The following HID1 variants were observed in gnomAD, a reference collection of about 807,000 sequenced individuals.
HID1 encodes the protein HID1 domain containing.
Under a neutral mutation model 89.7 loss-of-function variants are expected in HID1, and 42 were observed. The ratio of observed to expected loss-of-function variants is 0.47; its 90% CI spans 0.37 to 0.61. The LOEUF (loss-of-function observed/expected upper bound fraction) is 0.61. Among genes scored for constraint, HID1 ranks in the 20% least tolerant of loss-of-function variants. The pLI, the probability that HID1 is intolerant of heterozygous loss-of-function variation, is 0.00. For missense variants in HID1, 854 were observed against 1,039.3 expected (o/e 0.82, Z 2.45); for synonymous variants, 442 against 433.8 (o/e 1.02, Z -0.24).
chr17:74,971,354 G>C (rs2039644414), intron 1 of HID1, among the ~76,000 whole-genome samples: 1 of 152,216 alleles, frequency 6.6e-6, no homozygotes, highest in African/African-American at 2.4e-5. Flanking sequence ...GCTCCAGAAC[G>C]ACCCAGGAGC....
Position 74,953,539 on chromosome 17 carries a change from A to T in HID1, c.1971+6T>A. On this transcript the variant is annotated splice_donor_region_variant and intron_variant, in intron 15 of 18. Coordinates refer to ENST00000425042, the MANE Select transcript of HID1 (RefSeq NM_030630.3). ...ACGCCCGGCTCCAGGAGTCCCCGTC[A>T]CCCACCCCCTTAGCCGGGCTGCCAT... The T allele has an allele frequency of 6.2e-7, 1 of 1,612,606 alleles. No homozygotes were observed. Among genetic ancestry groups the T allele is most frequent in the Non-Finnish European group, 8.5e-7 (1 of 1,178,880 alleles).
chr17:74,963,465 C>G (rs1385971541), intron 3 of HID1: 1 of 526,670 alleles, frequency 1.9e-6, no homozygotes, highest in Non-Finnish European at 3.4e-6. Flanking sequence ...GAGGGCCCAG[C>G]TCCTCTGCCT....
At position 74,952,129 on chromosome 17, in the gene HID1, C is replaced by T. The variant is rs960347952; in HGVS notation, c.2145-66G>A. On this transcript the variant is annotated intron_variant, in intron 17 of 18. Coordinates refer to ENST00000425042, the MANE Select transcript of HID1 (RefSeq NM_030630.3). The stretch of plus-strand genomic sequence containing the variant: ...AGGGGAGCACGGGGCTCACCCTGGC[C>T]ACCCAAGACCCATGTTTCCCATCAC... The T allele has an allele frequency of 2.6e-6, 4 of 1,528,468 alleles. No homozygotes were observed. In the African/African-American group the frequency reaches 5.5e-5, roughly 21 times the overall value. 94.7% of individuals were successfully genotyped at this position (1,528,468 alleles called of 1,614,324 possible).
At chr17:74,955,771 G>T (rs777933481) in intron 13 of HID1, 21 bp downstream of exon 13, 1 of 1,612,032 alleles carries the variant, frequency 6.2e-7, no homozygotes, top group Non-Finnish European at 8.5e-7. Flanking sequence ...TGACCACCAG[G>T]GCCTCAGGCT....
In HID1 at chr17:74,951,268, A is replaced by C; in HGVS notation, c.*302T>G. ...CTGGGTAGCACAGGAGTGGGTGGGC[A>C]CTGAGGGGCCAGCACTGAGCCAGGT... is the stretch of plus-strand genomic sequence containing the variant. On this transcript the variant is annotated 3_prime_UTR_variant, in exon 19 of 19. Coordinates refer to ENST00000425042, the MANE Select transcript of HID1 (RefSeq NM_030630.3). The C allele has an allele frequency of 2.2e-6, 1 of 463,114 alleles. No homozygotes were observed. 28.7% of individuals were successfully genotyped at this position (463,114 alleles called of 1,614,324 possible).
chr17:74,972,746 C>A lies in HID1; in HGVS notation c.-90G>T. The A allele has an allele frequency of 1.6e-6, 2 of 1,278,958 alleles. No individual in the cohort carries two copies. The highest frequency in any genetic ancestry group is 2.1e-6 in the Non-Finnish European group (2 of 955,212). The allele number at this position is 1,278,958 out of a possible 1,614,324, so 79.2% of individuals were successfully genotyped here. On this transcript the variant is annotated 5_prime_UTR_variant, in exon 1 of 19. Coordinates refer to ENST00000425042, the MANE Select transcript of HID1 (RefSeq NM_030630.3). This position sits in a 1 kb window ranked among gnomAD's most constrained non-coding sequence, Gnocchi z 6.4. Reference sequence around the variant, plus strand: ...GGCTCCAGCTCCGCGGCCCCCGCGGCTCTCGCAGGAGACAAGCGGCGCGCC... The same window carrying A: ...GGCTCCAGCTCCGCGGCCCCCGCGGATCTCGCAGGAGACAAGCGGCGCGCC...
Position 74,972,500 on chromosome 17 carries a change from A to T in HID1, c.66+91T>A. On this transcript the variant is annotated intron_variant, in intron 1 of 18. Coordinates refer to ENST00000425042, the MANE Select transcript of HID1 (RefSeq NM_030630.3). This position sits in a 1 kb window ranked among gnomAD's most constrained non-coding sequence, Gnocchi z 6.4. ...ACGCTCGGGGCCCGCCCGTCCCCCC[A>T]TCTCCCGACGAGCCAAGTTCGCGTA... is the stretch of plus-strand genomic sequence containing the variant. 2.5e-6 allele frequency: 3 copies of T among 1,205,848 alleles called. No individual in the cohort carries two copies. Among genetic ancestry groups the T allele is most frequent in the Non-Finnish European group, 3.5e-6 (3 of 866,826 alleles). The allele number at this position is 1,205,848 out of a possible 1,614,324, so 74.7% of individuals were successfully genotyped here.
In HID1 at chr17:74,955,900, G is replaced by A. The variant is rs1293333700; in HGVS notation, c.1528C>T (p.Leu510=). ...MVTANKLLHL[L]EAFSTTWFLF... is the part of the protein sequence containing the mutation. ...AACCAGGTGGTGGAGAAGGCCTCCA[G>A]CAGGTGCAGCAACTTGTTGGCAGTC... is the stretch of plus-strand genomic sequence containing the variant. Residue 510 remains leucine, a synonymous_variant, in exon 13 of 19, where the codon CTG becomes TTG. Coordinates refer to ENST00000425042, the MANE Select transcript of HID1 (RefSeq NM_030630.3). The A allele has an allele frequency of 1.2e-6, 2 of 1,613,968 alleles. No homozygotes were observed. The highest frequency in any genetic ancestry group is 1.7e-6 in the Non-Finnish European group (2 of 1,179,962).
intron 3 of HID1, 169 bp downstream of exon 3, chr17:74,963,571 G>A: frequency 1.5e-6 from 1 of 651,064 alleles, no homozygotes; most frequent in Non-Finnish European, 2.6e-6. Flanking sequence ...GGGGAACTGA[G>A]GGCCCAAGGA....
At chr17:74,961,832 A>C in intron 6 of HID1, 41 bp downstream of exon 6, 6 of 1,279,044 alleles carry the variant, frequency 4.7e-6, no homozygotes, top group Non-Finnish European at 5.3e-6. Flanking sequence ...ATTGCCTGGA[A>C]TAAGAGGGAA....
rs931149328 is a variant in HID1, at chr17:74,954,261, G to A, written c.1741C>T (p.Arg581Cys). The A allele has an allele frequency of 2.0e-5, 31 of 1,587,352 alleles. No homozygotes were observed. Among genetic ancestry groups the A allele is most frequent in the African/African-American group, 2.7e-5 (2 of 74,624 alleles). ...PPTIHKALQR[R>C]RRTPEPLSRT... ...GACAAGGGCTCAGGTGTCCGCCGGC[G>A]CCGCTGCAGGGCCTTGTGAATGGTG... The change falls in exon 14 of 19, where the codon CGC (arginine) becomes TGC (cysteine). Residue 581 changes from arginine to cysteine, a missense_variant. Transcript: ENST00000425042.
chr17:74,963,709 C>A lies in HID1; in HGVS notation c.387+31G>T, dbSNP rs772956004. The A allele has an allele frequency of 1.1e-5, 18 of 1,567,592 alleles. No individual in the cohort carries two copies. In the Admixed American group the frequency reaches 2.3e-4, roughly 20 times the overall value. On this transcript the variant is annotated intron_variant, in intron 3 of 18. Coordinates refer to ENST00000425042, the MANE Select transcript of HID1 (RefSeq NM_030630.3). ...GCTCTCCCTGTGACGCCAACTCTGCCTCCCACCCAGCCCTGGCCAGGCCCA... is the reference window on the plus strand; with the variant it reads ...GCTCTCCCTGTGACGCCAACTCTGCATCCCACCCAGCCCTGGCCAGGCCCA...
chr17:74,960,116 C>A lies in HID1; in HGVS notation c.861G>T (p.Val287=). The change falls in exon 7 of 19, where the codon GTG becomes GTT. Residue 287 remains valine (V), a synonymous_variant. Coordinates refer to ENST00000425042, the MANE Select transcript of HID1 (RefSeq NM_030630.3). ...REPLVEEAAQ[V]LIVTLDHDSA... ...TGTCGTGGTCCAAAGTGACAATGAGCACCTGGGCAGCCTCCTCCACCAGGG... is the reference window on the plus strand; with the variant it reads ...TGTCGTGGTCCAAAGTGACAATGAGAACCTGGGCAGCCTCCTCCACCAGGG... The A allele has an allele frequency of 6.2e-7, 1 of 1,614,024 alleles. No individual in the cohort carries two copies.
chr17:74,960,196 G>T lies in HID1; in HGVS notation c.781C>A (p.Pro261Thr). 6.2e-7 allele frequency: 1 copy of T among 1,613,690 alleles called. No homozygotes were observed. Among genetic ancestry groups the T allele is most frequent in the Non-Finnish European group, 8.5e-7 (1 of 1,180,028 alleles). ...SLLNTVCAYD[P>T]VGYGIPYNHL... ...TTGTAGGGGATCCCGTAGCCCACAG[G>T]GTCATAGGCACACACGGTGTTGAGG... The change falls in exon 7 of 19, where the codon CCT (proline) becomes ACT (threonine). Residue 261 changes from proline to threonine, a missense_variant. Physicochemically the swap from Pro to Thr is conservative, Grantham distance 38. Transcript: ENST00000425042.
At chr17:74,969,128 C>G (rs1031519656) in intron 1 of HID1, among the ~76,000 whole-genome samples, 2 of 151,014 alleles carry the variant, frequency 1.3e-5, no homozygotes, top group Non-Finnish European at 2.9e-5. Context: ...AAACGTGGCT[C>G]AGCGCCTGCC....
Position 74,953,005 on chromosome 17 carries a change from C to T in HID1, c.2052+1G>A. 1 of 1,603,296 alleles carries T rather than the reference C, an allele frequency of 6.2e-7. No homozygotes were observed. On this transcript the variant is annotated splice_donor_variant, in intron 16 of 18. Transcript: ENST00000425042. LOFTEE classifies it high-confidence loss of function. ...TCGCCTGGCACAGGGTCCCTCCTCA[C>T]CCACTCTGGCGTTGGGCTCCACTGC...
chr17:74,956,712 C>A (rs1023159013), intron 12 of HID1, among the ~76,000 whole-genome samples: 1 of 152,240 alleles, frequency 6.6e-6, no homozygotes, highest in Non-Finnish European at 1.5e-5. Flanking sequence ...GACCAGCCAC[C>A]CCTAGCCACA....
At position 74,959,007 on chromosome 17, in the gene HID1, G is replaced by T. The variant is rs149263716; in HGVS notation, c.1053C>A (p.Asn351Lys). Residue 351 changes from asparagine to lysine, a missense_variant, in exon 9 of 19, where the codon AAC becomes AAA. By Grantham distance (94) the Asn-to-Lys change is moderately conservative. Coordinates refer to ENST00000425042, the MANE Select transcript of HID1 (RefSeq NM_030630.3). The surrounding 1 kb of genome is among the most constrained non-coding windows in gnomAD (Gnocchi z 4.6). ...TAGGCAGGTAGGTCTGGAGCAGGGGGTTGGACAGCAGCCGGGCTATACCCT... is the reference window on the plus strand; with the variant it reads ...TAGGCAGGTAGGTCTGGAGCAGGGGTTTGGACAGCAGCCGGGCTATACCCT... ...ILKGIARLLS[N>K]PLLQTYLPNS... The T allele has an allele frequency of 6.3e-7, 1 of 1,597,436 alleles. No individual in the cohort carries two copies. The highest frequency in any genetic ancestry group is 8.5e-7 in the Non-Finnish European group (1 of 1,174,754).
Position 74,954,183 on chromosome 17 carries a change from G to A in HID1, c.1819C>T (p.Pro607Ser). The change falls in exon 14 of 19, where the codon CCT (proline) becomes TCT (serine). Residue 607 changes from proline (P) to serine (S), a missense_variant. By Grantham distance (74) the Pro-to-Ser change is moderately conservative. Coordinates refer to ENST00000425042, the MANE Select transcript of HID1 (RefSeq NM_030630.3). ...GTCTTGAGGGTGCCTGGCTCTGCAG[G>A]GGCAGCGGGGCGGGAGCCCTCCATG... ...TSMEGSRPAA[P>S]AEPGTLKTSL... 1 of 1,603,140 alleles carries A rather than the reference G, an allele frequency of 6.2e-7. No homozygotes were observed. The highest frequency in any genetic ancestry group is 8.5e-7 in the Non-Finnish European group (1 of 1,176,112).
Sources: allele counts gnomAD v4.1 joint callset (sites outside exome capture counted in the v4.1 genomes callset), GRCh38; gene constraint gnomAD v4.1.1; non-coding constraint Gnocchi (gnomAD v3.1); transcripts MANE v1.5; gene names NCBI Gene and HGNC (gene_info 2026-07-23, HGNC 2026-07-21).